GALNT16: variants seen among roughly 807,000 people sequenced by gnomAD.
The protein encoded by GALNT16 is UDP-GalNAc:polypeptide N-acetylgalactosaminyltransferase-like protein 1.
GALNT16 carries 40 observed loss-of-function variants against 76.1 expected under a neutral mutation model. The ratio of observed to expected loss-of-function variants is 0.53; its 90% CI spans 0.41 to 0.68. The LOEUF (loss-of-function observed/expected upper bound fraction) is 0.68, where lower values mean the gene tolerates loss of function less well. Ranked by LOEUF, GALNT16 falls within the 30% of genes least tolerant of loss-of-function variation. GALNT16 has a pLI of 0.00. For synonymous variants in GALNT16, 276 were observed against 285.2 expected, an observed-to-expected ratio of 0.97 and a Z score of 0.32; for missense variants, 621 against 731.9, an observed-to-expected ratio of 0.85 and a Z score of 1.75.
chr14:69,277,330 G>A (rs1036712695), intron 1 of GALNT16, among the ~76,000 whole-genome samples: 15 of 151,992 alleles, frequency 9.9e-5, no homozygotes, highest in African/African-American at 1.4e-4. Flanking sequence ...CCGTTAACTC[G>A]TCATTTACAT....
At chr14:69,266,521 T>A (rs1034466776) in intron 1 of GALNT16, among the ~76,000 whole-genome samples, 1 of 152,204 alleles carries the variant, frequency 6.6e-6, no homozygotes, top group South Asian at 2.1e-4. Flanking sequence ...AAGAGACTTA[T>A]TTGAATTATT....
intron 1 of GALNT16, among the ~76,000 whole-genome samples, chr14:69,304,550 C>G (rs954452169): frequency 6.6e-6 from 1 of 152,124 alleles, no homozygotes; most frequent in African/African-American, 2.4e-5. Context: ...ACAGCAGACT[C>G]TAGAGCTCAT....
chr14:69,296,078 AG>A (rs2044755814), intron 1 of GALNT16, among the ~76,000 whole-genome samples: 1 of 152,250 alleles, frequency 6.6e-6, no homozygotes, highest in African/African-American at 2.4e-5. Context: ...GAAGCATAAA[AG>A]CTTCTGCTTC....
chr14:69,325,914 C>A (rs777274975), intron 4 of GALNT16, 48 bp from the exon 5 acceptor site: 119 of 1,457,880 alleles, frequency 8.2e-5, no homozygotes, highest in Non-Finnish European at 1.1e-4. Flanking sequence ...CCACTAGTGG[C>A]CTGATGCCCA....
chr14:69,310,240 A>G (rs560696365), intron 1 of GALNT16, among the ~76,000 whole-genome samples: 1 of 152,232 alleles, frequency 6.6e-6, no homozygotes, highest in Non-Finnish European at 1.5e-5. Context: ...ATACTATTAT[A>G]TGAATAGCAT....
At chr14:69,275,339 C>T (rs1483645144) in intron 1 of GALNT16, among the ~76,000 whole-genome samples, 2 of 151,900 alleles carry the variant, frequency 1.3e-5, no homozygotes, top group African/African-American at 4.8e-5. Flanking sequence ...GGATGGAGTA[C>T]CTTGCAGGAG....
chr14:69,346,468 C>A (rs1360886442), intron 12 of GALNT16, among the ~76,000 whole-genome samples: 1 of 152,122 alleles, frequency 6.6e-6, no homozygotes, highest in East Asian at 1.9e-4. Flanking sequence ...ATGCTCTCAC[C>A]AGGAAGGTGT....
intron 2 of GALNT16, among the ~76,000 whole-genome samples, chr14:69,321,155 C>T (rs964740054): frequency 6.6e-6 from 1 of 152,214 alleles, no homozygotes; most frequent in Non-Finnish European, 1.5e-5. Flanking sequence ...AGGTCCGTGG[C>T]AGTGGGTGAG....
At chr14:69,379,670 AC>A in the GALNT16 span, among the ~76,000 whole-genome samples, 1 of 152,240 alleles carries the variant, frequency 6.6e-6, no homozygotes, top group African/African-American at 2.4e-5. Context: ...TCTCAAAAAA[AC>A]AACAACAAAA....
At chr14:69,374,394 G>T in the GALNT16 span, among the ~76,000 whole-genome samples, 107 of 152,228 alleles carry the variant, frequency 7.0e-4, no homozygotes, top group Non-Finnish European at 1.4e-3. Flanking sequence ...CATCTTTGTT[G>T]CCATTTATGT....
At position 69,289,991 on chromosome 14, in the gene GALNT16, G is replaced by A. The variant is rs952849815; in HGVS notation, c.177+29524G>A. Among the ~76,000 whole-genome samples, 11 of 152,104 alleles carry A rather than the reference G, an allele frequency of 7.2e-5. No individual in the cohort carries two copies. The East Asian group carries it at 1.5e-3, about 21-fold the overall frequency. ...TGAGCTCAGGCAATCCGCTCGCCTC[G>A]GCCTCCCAAAGTGCTAGGATTACAG... On this transcript the variant is annotated intron_variant, in intron 1 of 14. Transcript: ENST00000448469.
chr14:69,290,091 T>A (rs2044670728), intron 1 of GALNT16, among the ~76,000 whole-genome samples: 1 of 152,140 alleles, frequency 6.6e-6, no homozygotes, highest in Non-Finnish European at 1.5e-5. Context: ...GCTTTGTTGG[T>A]CAATATCAAT....
intron 1 of GALNT16, among the ~76,000 whole-genome samples, chr14:69,266,034 C>T (rs947783848): frequency 2.0e-5 from 3 of 152,180 alleles, no homozygotes; most frequent in Non-Finnish European, 4.4e-5. Flanking sequence ...CGAGTAAACA[C>T]GCTTACTCAT....
rs546393362 is a variant in GALNT16 at position 69,261,978 on chromosome 14, C to T, written c.177+1511C>T. 8.4e-4 allele frequency among the ~76,000 whole-genome samples: 128 copies of T among 152,282 alleles called. No individual in the cohort carries two copies. Among genetic ancestry groups the T allele is most frequent in the African/African-American group, 3.0e-3 (124 of 41,558 alleles). On this transcript the variant is annotated intron_variant, in intron 1 of 14. Coordinates refer to ENST00000448469, the MANE Select transcript of GALNT16 (RefSeq NM_001168368.2). This position sits in a 1 kb window ranked among gnomAD's most constrained non-coding sequence, Gnocchi z 6.4. ...TAAGGAAAAGCCTCCTGTGCTGAGG[C>T]CCCAGAGTGTTGTGATCTGAGCAGA...
At chr14:69,324,818 CAGT>C in intron 3 of GALNT16, 28 bp downstream of exon 3, 2 of 1,444,914 alleles carry the variant, frequency 1.4e-6, no homozygotes, top group Non-Finnish European at 1.9e-6. Flanking sequence ...ACTCTCATCT[CAGT>C]GGTGCTGGCA....
the GALNT16 span, among the ~76,000 whole-genome samples, chr14:69,364,747 T>C: frequency 6.6e-6 from 1 of 152,206 alleles, no homozygotes; most frequent in Non-Finnish European, 1.5e-5. The surrounding 1 kb of genome is among the most constrained non-coding windows in gnomAD (Gnocchi z 4.2). Flanking sequence ...ATATTCTTCT[T>C]GCTTAGGAGC....
At chr14:69,378,146 AT>A in the GALNT16 span, among the ~76,000 whole-genome samples, 1 of 152,234 alleles carries the variant, frequency 6.6e-6, no homozygotes, top group South Asian at 2.1e-4. Flanking sequence ...CTGTTTGAGC[AT>A]TTAGTAAGTT....
At chr14:69,277,389 A>G (rs1158358760) in intron 1 of GALNT16, among the ~76,000 whole-genome samples, 3 of 152,068 alleles carry the variant, frequency 2.0e-5, no homozygotes, top group Non-Finnish European at 2.9e-5. Context: ...CCACCCCATG[A>G]CAGGCCCCGG....
rs763142757 is a variant in GALNT16 at position 69,347,948 on chromosome 14, C to T, written c.1485C>T (p.Ser495=). Residue 495 remains serine, a synonymous_variant, in exon 14 of 15, where the codon TCC becomes TCT. Coordinates refer to ENST00000448469, the MANE Select transcript of GALNT16 (RefSeq NM_001168368.2). ...TGGCTGCCACCTCCACCTTAATGTCCTCCCCTGGATCCCCAGTCATACTGC... is the reference window on the plus strand; with the variant it reads ...TGGCTGCCACCTCCACCTTAATGTCTTCCCCTGGATCCCCAGTCATACTGC... ...KCLAATSTLM[S]SPGSPVILQM... 7 of 1,614,078 alleles carry T rather than the reference C, an allele frequency of 4.3e-6. 1 individual carries two copies. The South Asian group carries it at 7.7e-5, about 18-fold the overall frequency.
Sources: gnomAD v4.1 joint callset for allele counts (sites outside exome capture counted in the v4.1 genomes callset) on GRCh38, gnomAD v4.1.1 for gene constraint, Gnocchi (gnomAD v3.1) non-coding constraint, MANE v1.5 for transcripts, NCBI Gene and HGNC (gene_info 2026-07-23, HGNC 2026-07-21) for gene names.